Variants in ARHGAP15 observed in about 807,000 individuals in gnomAD.
The protein encoded by ARHGAP15 is Rho GTPase activating protein 15.
ARHGAP15 carries 51 observed loss-of-function variants against 63.7 expected under a neutral mutation model. That is an observed-to-expected ratio of 0.80 (90% CI 0.64 to 1.01). ARHGAP15 has a LOEUF of 1.01. Among genes scored for constraint, ARHGAP15 ranks in the 50% least tolerant of loss-of-function variants. The probability of loss-of-function intolerance (pLI) is 0.00; values close to 1 mark genes in which losing one functional copy is unlikely to be tolerated. For synonymous variants in ARHGAP15, 191 were observed against 193.8 expected, an observed-to-expected ratio of 0.99 and a Z score of 0.12; for missense variants, 560 against 564.6, an observed-to-expected ratio of 0.99 and a Z score of 0.08.
intron 6 of ARHGAP15, among the ~76,000 whole-genome samples, chr2:143,403,453 A>T (rs1268891009): frequency 6.6e-6 from 1 of 151,866 alleles, no homozygotes. Flanking sequence ...TAACTCAGAG[A>T]TAGATTAAGT....
chr2:143,136,508 A>G (rs1689149152), intron 1 of ARHGAP15, among the ~76,000 whole-genome samples: 1 of 152,120 alleles, frequency 6.6e-6, no homozygotes, highest in Non-Finnish European at 1.5e-5. Flanking sequence ...TACATGTTTG[A>G]ATTAATTCAA....
intron 13 of ARHGAP15, among the ~76,000 whole-genome samples, chr2:143,732,363 C>T (rs965800845): frequency 6.6e-6 from 1 of 152,016 alleles, no homozygotes; most frequent in Non-Finnish European, 1.5e-5. Context: ...TTTTCTTCAC[C>T]TTTATTGTCT....
chr2:143,587,934 C>G (rs1204843740), intron 11 of ARHGAP15: 2 of 225,972 alleles, frequency 8.9e-6, no homozygotes, highest in Non-Finnish European at 1.9e-5. Flanking sequence ...AAATCAAAAG[C>G]CTTTCTCTTA....
intron 6 of ARHGAP15, among the ~76,000 whole-genome samples, chr2:143,325,540 T>A (rs2105237564): frequency 6.6e-6 from 1 of 152,290 alleles, no homozygotes; most frequent in East Asian, 1.9e-4. Context: ...GCAATGATTA[T>A]CAAACGGAAA....
chr2:143,587,978 A>G (rs1171101616), intron 11 of ARHGAP15, among the ~76,000 whole-genome samples: 1 of 152,176 alleles, frequency 6.6e-6, no homozygotes, highest in Non-Finnish European at 1.5e-5. Context: ...ACGATTTAAC[A>G]ATGTTTTCTT....
At chr2:143,465,656 T>C (rs921655661) in intron 8 of ARHGAP15, among the ~76,000 whole-genome samples, 6 of 152,024 alleles carry the variant, frequency 3.9e-5, no homozygotes, top group African/African-American at 1.4e-4. Context: ...GAAAAAAGCA[T>C]AAAATACTTG....
intron 12 of ARHGAP15, among the ~76,000 whole-genome samples, chr2:143,630,990 G>T (rs922739639): frequency 1.3e-4 from 19 of 151,898 alleles, no homozygotes; most frequent in African/African-American, 4.3e-4. Flanking sequence ...CTTTCCACCT[G>T]CTCTGCACTC....
At chr2:143,216,307 T>A (rs1692754138) in intron 3 of ARHGAP15, 77 bp from the exon 4 acceptor site, 2 of 1,142,372 alleles carry the variant, frequency 1.8e-6, no homozygotes, top group Middle Eastern at 2.7e-4. Context: ...GCAATGACTC[T>A]TGAAAAGCAT....
At chr2:143,727,756 G>A (rs1311565312) in intron 13 of ARHGAP15, among the ~76,000 whole-genome samples, 1 of 152,092 alleles carries the variant, frequency 6.6e-6, no homozygotes, top group African/African-American at 2.4e-5. Flanking sequence ...TCAATAAACT[G>A]TTATATATGC....
chr2:143,430,655 A>G (rs1416761292), intron 6 of ARHGAP15, among the ~76,000 whole-genome samples: 2 of 152,110 alleles, frequency 1.3e-5, no homozygotes, highest in African/African-American at 4.8e-5. Flanking sequence ...CAAAATTACT[A>G]TCACAAAAAT....
chr2:143,507,910 C>G (rs1249247108), intron 9 of ARHGAP15, among the ~76,000 whole-genome samples: 1 of 152,106 alleles, frequency 6.6e-6, no homozygotes, highest in East Asian at 1.9e-4. Flanking sequence ...GCACCATCAT[C>G]TCTTCCTATA....
At chr2:143,228,355 T>C (rs953149723) in intron 4 of ARHGAP15, among the ~76,000 whole-genome samples, 4 of 152,094 alleles carry the variant, frequency 2.6e-5, no homozygotes, top group African/African-American at 4.8e-5. Context: ...GATCTATAAA[T>C]TAAGAAATTC....
Position 143,332,838 on chromosome 2 carries a change from T to G in ARHGAP15, c.474+82238T>G, listed in dbSNP as rs537237571. The stretch of plus-strand genomic sequence containing the variant: ...AACTTCAGGCAATGATAAGAATAAG[T>G]GTCAAATATTATTAGTTCTGGAGTA... On this transcript the variant is annotated intron_variant, in intron 6 of 13. Coordinates refer to ENST00000295095, the MANE Select transcript of ARHGAP15 (RefSeq NM_018460.4). Among the ~76,000 whole-genome samples the G allele has an allele frequency of 2.6e-5, 4 of 152,250 alleles. No individual in the cohort carries two copies. The South Asian group carries it at 8.3e-4, about 32-fold the overall frequency.
At chr2:143,703,554 T>C (rs959986886) in intron 13 of ARHGAP15, 30 bp downstream of exon 13, 12 of 1,530,308 alleles carry the variant, frequency 7.8e-6, no homozygotes, top group Non-Finnish European at 1.1e-5. Flanking sequence ...GGATGTGTCA[T>C]TTTATAGTCA....
intron 9 of ARHGAP15, among the ~76,000 whole-genome samples, chr2:143,493,715 G>A (rs1158869695): frequency 6.6e-6 from 1 of 152,160 alleles, no homozygotes; most frequent in African/African-American, 2.4e-5. Context: ...TTGCTCTCCA[G>A]CTGATTGCCC....
intron 8 of ARHGAP15, among the ~76,000 whole-genome samples, chr2:143,441,376 C>G (rs1689874381): frequency 6.6e-6 from 1 of 152,106 alleles, no homozygotes; most frequent in Admixed American, 6.6e-5. Context: ...TAGAAAGGAG[C>G]CAAGAAACAC....
intron 6 of ARHGAP15, among the ~76,000 whole-genome samples, chr2:143,358,517 AG>A (rs1266765696): frequency 1.3e-5 from 2 of 151,862 alleles, no homozygotes; most frequent in East Asian, 1.9e-4. Context: ...TGTGATTGAA[AG>A]AAAATATGTA....
intron 10 of ARHGAP15, among the ~76,000 whole-genome samples, chr2:143,550,407 A>G (rs1695503627): frequency 6.6e-6 from 1 of 152,222 alleles, no homozygotes; most frequent in Non-Finnish European, 1.5e-5. Flanking sequence ...ACTTCAATCC[A>G]AGAAAGAATA....
intron 8 of ARHGAP15, among the ~76,000 whole-genome samples, chr2:143,476,813 G>A (rs757938900): frequency 1.3e-5 from 2 of 152,212 alleles, no homozygotes; most frequent in Non-Finnish European, 2.9e-5. Context: ...CTTCTGTGTT[G>A]CTGTTTGCTG....
Sources: gnomAD v4.1 joint callset for allele counts (sites outside exome capture counted in the v4.1 genomes callset) on GRCh38, gnomAD v4.1.1 for gene constraint, MANE v1.5 for transcripts, NCBI Gene and HGNC (gene_info 2026-07-23, HGNC 2026-07-21) for gene names.